The following FARS2 variants were observed in gnomAD, a reference collection of about 807,000 sequenced individuals.
The protein encoded by FARS2 is phenylalanyl-tRNA synthetase 2, mitochondrial.
FARS2 carries 40 observed loss-of-function variants against 46.4 expected under a neutral mutation model. That is an observed-to-expected ratio of 0.86 (90% CI 0.67 to 1.12). The LOEUF is 1.12. Ranked by LOEUF, FARS2 falls within the 50% of genes most tolerant of loss-of-function variation. The pLI is 0.00. For synonymous variants in FARS2, 234 were observed against 214.9 expected, an observed-to-expected ratio of 1.09 and a Z score of -0.78; for missense variants, 513 against 567.9, an observed-to-expected ratio of 0.90 and a Z score of 0.98.
At chr6:5,729,666 G>A (rs979845547) in intron 6 of FARS2, among the ~76,000 whole-genome samples, 16 of 152,204 alleles carry the variant, frequency 1.1e-4, no homozygotes, top group African/African-American at 2.2e-4. Flanking sequence ...CCCCTTCAAG[G>A]ATGGACGTGT....
At chr6:5,701,700 A>T (rs1412038508) in intron 6 of FARS2, among the ~76,000 whole-genome samples, 1 of 152,220 alleles carries the variant, frequency 6.6e-6, no homozygotes, top group Admixed American at 6.5e-5. Flanking sequence ...AGAAATAGTC[A>T]TTAGAATGAA....
chr6:5,769,910 C>A (rs1178448689), intron 6 of FARS2, among the ~76,000 whole-genome samples: 2 of 152,048 alleles, frequency 1.3e-5, no homozygotes, highest in Admixed American at 1.3e-4. Context: ...AAAAGCAGGA[C>A]AAAGATGACC....
intron 4 of FARS2, among the ~76,000 whole-genome samples, chr6:5,444,519 A>AAG (rs1764064303): frequency 6.9e-6 from 1 of 144,574 alleles, no homozygotes; most frequent in Non-Finnish European, 1.5e-5. Context: ...AGAGAGGAAA[A>AAG]AATCTTAGTG....
chr6:5,361,692 C>T (rs1195740228), intron 1 of FARS2, among the ~76,000 whole-genome samples: 3 of 152,178 alleles, frequency 2.0e-5, no homozygotes, highest in Non-Finnish European at 4.4e-5. Flanking sequence ...GTTGACTGAA[C>T]CAAGCTTCAT....
intron 1 of FARS2, among the ~76,000 whole-genome samples, chr6:5,293,706 A>C (rs1400484391): frequency 6.6e-6 from 1 of 152,192 alleles, no homozygotes; most frequent in East Asian, 1.9e-4. Context: ...GTTGTTCATC[A>C]ATGAGAAGGT....
At chr6:5,766,027 G>T (rs532207102) in intron 6 of FARS2, among the ~76,000 whole-genome samples, 16 of 152,302 alleles carry the variant, frequency 1.1e-4, no homozygotes, top group Admixed American at 2.0e-4. Flanking sequence ...CAATGAAATT[G>T]TAGCACCAAA....
intron 2 of FARS2, among the ~76,000 whole-genome samples, chr6:5,392,177 C>G (rs1760561756): frequency 6.6e-6 from 1 of 152,196 alleles, no homozygotes; most frequent in Non-Finnish European, 1.5e-5. Flanking sequence ...ATCTTACCCT[C>G]TCTGGGTCTT....
intron 3 of FARS2, among the ~76,000 whole-genome samples, chr6:5,416,809 A>G (rs1398680966): frequency 6.6e-6 from 1 of 152,158 alleles, no homozygotes; most frequent in Non-Finnish European, 1.5e-5. Context: ...TAGGATTTAC[A>G]GTTATCACAG....
At chr6:5,277,127 G>T (rs941713048) in intron 1 of FARS2, among the ~76,000 whole-genome samples, 6 of 152,150 alleles carry the variant, frequency 3.9e-5, no homozygotes, top group Non-Finnish European at 8.8e-5. Context: ...GAAGCTGAAT[G>T]AAGGCACAGA....
At chr6:5,324,863 C>G (rs563085414) in intron 1 of FARS2, among the ~76,000 whole-genome samples, 1 of 152,162 alleles carries the variant, frequency 6.6e-6, no homozygotes, top group South Asian at 2.1e-4. Flanking sequence ...GGCTGTCCAC[C>G]AAGAACAGAT....
intron 4 of FARS2, among the ~76,000 whole-genome samples, chr6:5,443,882 C>A (rs1237640485): frequency 6.6e-6 from 1 of 152,196 alleles, no homozygotes; most frequent in East Asian, 1.9e-4. Context: ...CAAGTATTTC[C>A]TCTTCACCTC....
intron 5 of FARS2, among the ~76,000 whole-genome samples, chr6:5,564,418 CTTTT>C (rs1246085852): frequency 6.6e-6 from 1 of 151,942 alleles, no homozygotes. Context: ...TTACCCATCC[CTTTT>C]TTTTGTTTGT....
At chr6:5,257,307 T>C (rs1764724688), upstream of FARS2, among the ~76,000 whole-genome samples, 1 of 152,158 alleles carries the variant, frequency 6.6e-6, no homozygotes, top group South Asian at 2.1e-4. Flanking sequence ...TTTGCCTGCC[T>C]GACCACACCA....
At chr6:5,522,450 G>A (rs1769200593) in intron 4 of FARS2, among the ~76,000 whole-genome samples, 1 of 152,246 alleles carries the variant, frequency 6.6e-6, no homozygotes, top group Non-Finnish European at 1.5e-5. Context: ...ACTTGACAAA[G>A]TTTGTTGATG....
intron 2 of FARS2, among the ~76,000 whole-genome samples, chr6:5,378,343 GGCGCTTCTTTTT>G (rs1759521553): frequency 1.3e-5 from 2 of 152,158 alleles, no homozygotes; most frequent in African/African-American, 4.8e-5. Context: ...GCTGGAGTGA[GGCGCTTCTTTTT>G]GAACACCCCT....
Position 5,670,176 on chromosome 6 carries a change from G to A in FARS2, c.1217+56856G>A, listed in dbSNP as rs143239150. Among the ~76,000 whole-genome samples, 458 of 152,242 alleles carry A rather than the reference G, an allele frequency of 3.0e-3. 4 individuals are homozygous for A. The South Asian group carries it at 0.036, about 12-fold the overall frequency. ...GCATAGGCGCTTATGCCCAGAGTGC[G>A]CAAGTATACAGAGGACATTCAGTGG... On this transcript the variant is annotated intron_variant, in intron 6 of 6. Transcript: ENST00000274680.
At chr6:5,563,209 A>G (rs1772115765) in intron 5 of FARS2, among the ~76,000 whole-genome samples, 1 of 152,084 alleles carries the variant, frequency 6.6e-6, no homozygotes, top group African/African-American at 2.4e-5. Context: ...TGGCTTGACT[A>G]GGCATGTCAT....
At chr6:5,438,254 C>G (rs1462460434) in intron 4 of FARS2, among the ~76,000 whole-genome samples, 6 of 85,288 alleles carry the variant, frequency 7.0e-5, no homozygotes, top group Non-Finnish European at 1.3e-4. Flanking sequence ...CCGCCCCCCC[C>G]CCCATTTTTG....
rs1760359938 is a variant in FARS2, at chr6:5,727,776, T to G, written c.1218-43515T>G. Among the ~76,000 whole-genome samples the G allele has an allele frequency of 1.3e-5, 2 of 152,182 alleles. No individual in the cohort carries two copies. The highest frequency in any genetic ancestry group is 1.3e-4 in the Admixed American group (2 of 15,276). ...ATGCACTCTGACAGCTCAAAACACTTCCTCGAGCTTCTATACATTCTGCTC... is the reference window on the plus strand; with the variant it reads ...ATGCACTCTGACAGCTCAAAACACTGCCTCGAGCTTCTATACATTCTGCTC... On this transcript the variant is annotated intron_variant, in intron 6 of 6. Transcript: ENST00000274680. This position sits in a 1 kb window ranked among gnomAD's most constrained non-coding sequence, Gnocchi z 4.1.
Sources: allele counts gnomAD v4.1 joint callset (sites outside exome capture counted in the v4.1 genomes callset), GRCh38; gene constraint gnomAD v4.1.1; non-coding constraint Gnocchi (gnomAD v3.1); transcripts MANE v1.5; gene names NCBI Gene and HGNC (gene_info 2026-07-23, HGNC 2026-07-21).